The following MELK variants were observed in gnomAD, a reference collection of about 807,000 sequenced individuals.
MELK encodes the protein pEg3 kinase.
In MELK, 81 loss-of-function variants were observed where a neutral mutation model predicts 85.0. That is an observed-to-expected ratio of 0.95 (90% confidence interval 0.80 to 1.15). The LOEUF is 1.15. Ranked by LOEUF, MELK falls within the 50% of genes most tolerant of loss-of-function variation. MELK has a pLI of 0.00. For missense variants in MELK, 754 were observed against 777.5 expected, an observed-to-expected ratio of 0.97 and a Z score of 0.36; for synonymous variants, 252 against 265.0, an observed-to-expected ratio of 0.95 and a Z score of 0.48.
chr9:36,668,517 CT>C (rs879687431), intron 14 of MELK, among the ~76,000 whole-genome samples: 2 of 151,830 alleles, frequency 1.3e-5, no homozygotes, highest in Admixed American at 6.6e-5. Flanking sequence ...AAGCTTACAT[CT>C]CTTTTTTTTT....
At chr9:36,661,866 G>A (rs982924328) in intron 13 of MELK, among the ~76,000 whole-genome samples, 3 of 151,426 alleles carry the variant, frequency 2.0e-5, no homozygotes, top group Non-Finnish European at 1.5e-5. Context: ...GAACCCGGGA[G>A]GCGGAGCTTG....
chr9:36,607,485 C>A, intron 7 of MELK, 90 bp from the exon 8 acceptor site: 1 of 950,568 alleles, frequency 1.1e-6, no homozygotes, highest in Non-Finnish European at 1.7e-6. Context: ...AGCTTTGCGA[C>A]AATTCTGTGA....
At chr9:36,623,661 T>G (rs566589322) in intron 8 of MELK, among the ~76,000 whole-genome samples, 3 of 152,230 alleles carry the variant, frequency 2.0e-5, no homozygotes, top group Non-Finnish European at 4.4e-5. Flanking sequence ...CAGTGCTCCA[T>G]TGGGAAGGCC....
At chr9:36,642,871 T>C in intron 10 of MELK, 126 bp from the exon 11 acceptor site, 1 of 658,668 alleles carries the variant, frequency 1.5e-6, no homozygotes, top group East Asian at 3.1e-5. Flanking sequence ...CCCCAAGAAA[T>C]TGACAGATTC....
chr9:36,615,955 C>T (rs1376291683), intron 8 of MELK, among the ~76,000 whole-genome samples: 1 of 151,824 alleles, frequency 6.6e-6, no homozygotes, highest in African/African-American at 2.4e-5. Flanking sequence ...GACGGGGTGG[C>T]GGCCAGGCAG....
intron 8 of MELK, among the ~76,000 whole-genome samples, chr9:36,629,691 T>G (rs1451668208): frequency 6.6e-6 from 1 of 152,222 alleles, no homozygotes; most frequent in East Asian, 1.9e-4. Context: ...GTATACTTAC[T>G]GTCCATTTAA....
intron 11 of MELK, among the ~76,000 whole-genome samples, chr9:36,644,775 TAAC>T (rs927050798): frequency 2.6e-5 from 4 of 152,208 alleles, no homozygotes; most frequent in African/African-American, 9.6e-5. Context: ...GAGAATAGTA[TAAC>T]AACACTGAGT....
intron 8 of MELK, among the ~76,000 whole-genome samples, chr9:36,611,529 C>T (rs1450148127): frequency 6.6e-6 from 1 of 152,046 alleles, no homozygotes; most frequent in Non-Finnish European, 1.5e-5. Context: ...AGTATTGGTT[C>T]CACCCCCAGA....
At chr9:36,584,321 CTTT>C (rs1433344914) in intron 3 of MELK, among the ~76,000 whole-genome samples, 2 of 84,748 alleles carry the variant, frequency 2.4e-5, no homozygotes, top group Non-Finnish European at 2.5e-5. Context: ...CTTTTCTTTA[CTTT>C]TTTTTTTTTT....
intron 9 of MELK, among the ~76,000 whole-genome samples, chr9:36,631,584 A>G (rs956691122): frequency 1.3e-5 from 2 of 151,252 alleles, no homozygotes; most frequent in African/African-American, 4.9e-5. Context: ...TTTTTTAAAA[A>G]AAAATTTTAT....
In MELK at chr9:36,634,692, C is replaced by T. The variant is rs538327924; in HGVS notation, c.834+1492C>T. Among the ~76,000 whole-genome samples the T allele has an allele frequency of 1.5e-3, 223 of 151,240 alleles. 1 individual carries two copies. Among genetic ancestry groups the T allele is most frequent in the African/African-American group, 5.1e-3 (209 of 41,166 alleles). On this transcript the variant is annotated intron_variant, in intron 10 of 17. Coordinates refer to ENST00000298048, the MANE Select transcript of MELK (RefSeq NM_014791.4). Reference sequence around the variant, plus strand: ...CGCACTCCAGCCTTGGGTGACAGAGCGAGACTCTGTTTCAAAAAGAAAAGA... The same window carrying T: ...CGCACTCCAGCCTTGGGTGACAGAGTGAGACTCTGTTTCAAAAAGAAAAGA...
At chr9:36,599,896 G>C (rs1035120612) in intron 7 of MELK, among the ~76,000 whole-genome samples, 1 of 152,162 alleles carries the variant, frequency 6.6e-6, no homozygotes, top group Non-Finnish European at 1.5e-5. Context: ...TAGGAGTCCA[G>C]GCTGAGAAGG....
chr9:36,639,887 A>G (rs771813700), intron 10 of MELK, among the ~76,000 whole-genome samples: 2 of 152,136 alleles, frequency 1.3e-5, no homozygotes, highest in Non-Finnish European at 2.9e-5. Context: ...AAGATGATGG[A>G]GGGAACCTCA....
intron 8 of MELK, among the ~76,000 whole-genome samples, chr9:36,622,995 G>A (rs1044151972): frequency 1.3e-5 from 2 of 152,110 alleles, no homozygotes; most frequent in Non-Finnish European, 2.9e-5. Flanking sequence ...CAGAAACAAG[G>A]GTCCTATCTC....
chr9:36,577,993 C>G, intron 1 of MELK, among the ~76,000 whole-genome samples: 1 of 151,950 alleles, frequency 6.6e-6, no homozygotes. Flanking sequence ...GCTATATTGT[C>G]CTGGCTTGTC....
At chr9:36,615,241 G>C (rs1444840562) in intron 8 of MELK, among the ~76,000 whole-genome samples, 1 of 133,542 alleles carries the variant, frequency 7.5e-6, no homozygotes, top group Non-Finnish European at 1.6e-5. Context: ...CTGGCCAGGC[G>C]GGGGGCTGAC....
intron 13 of MELK, among the ~76,000 whole-genome samples, chr9:36,657,577 C>T (rs1443956368): frequency 6.6e-6 from 1 of 152,098 alleles, no homozygotes; most frequent in African/African-American, 2.4e-5. Context: ...CTTTACTGCT[C>T]CTTTATTTCC....
At chr9:36,580,699 T>C (rs538207162) in intron 1 of MELK, among the ~76,000 whole-genome samples, 2 of 152,000 alleles carry the variant, frequency 1.3e-5, no homozygotes, top group African/African-American at 2.4e-5. Context: ...TTTTCCATGT[T>C]TTTGTTGGCC....
At chr9:36,574,430 C>CAAAAAAAAAAAAAAAAA (rs78915626) in intron 1 of MELK, among the ~76,000 whole-genome samples, 2 of 79,930 alleles carry the variant, frequency 2.5e-5, no homozygotes, top group Non-Finnish European at 2.9e-5. Context: ...ACTAAAAATA[C>CAAAAAAAAAAAAAAAAA]AAAAAAAAAA....
Sources: gnomAD v4.1 joint callset for allele counts (sites outside exome capture counted in the v4.1 genomes callset) on GRCh38, gnomAD v4.1.1 for gene constraint, MANE v1.5 for transcripts, NCBI Gene and HGNC (gene_info 2026-07-23, HGNC 2026-07-21) for gene names.